Variants in RCN2 observed in about 807,000 individuals in gnomAD.
The protein encoded by RCN2 is reticulocalbin 2.
In RCN2, 23 loss-of-function variants were observed where a neutral mutation model predicts 37.5. The ratio of observed to expected loss-of-function variants is 0.61; its 90% CI spans 0.44 to 0.87. The LOEUF (loss-of-function observed/expected upper bound fraction) is 0.87, where lower values mean the gene tolerates loss of function less well. Among genes scored for constraint, RCN2 ranks in the 40% least tolerant of loss-of-function variants. The pLI is 0.00. For missense variants in RCN2, 381 were observed against 390.4 expected, an observed-to-expected ratio of 0.98 and a Z score of 0.20; for synonymous variants, 140 against 144.6, an observed-to-expected ratio of 0.97 and a Z score of 0.23.
rs1371881402 is a variant in RCN2 at position 76,943,820 on chromosome 15, T to G, written c.510T>G (p.Ser170Arg). The G allele has an allele frequency of 6.2e-7, 1 of 1,611,218 alleles. No individual in the cohort carries two copies. Among genetic ancestry groups the G allele is most frequent in the Non-Finnish European group, 8.5e-7 (1 of 1,178,048 alleles). The part of the protein sequence containing the change: ...KANQDSGPGL[S>R]LEEFIAFEHP... ...ACCAGGATTCAGGTCCCGGTTTGAG[T>G]CTTGAAGAATTTATTGCTTTTGAGC... The change falls in exon 4 of 7, where the codon AGT becomes AGG. Residue 170 changes from serine (S) to arginine (R), a missense_variant. Physicochemically the swap from Ser to Arg is moderately radical, Grantham distance 110. Transcript: ENST00000394885.
In RCN2 at chr15:76,953,763, GCA is replaced by G. The variant is rs1568463712; in HGVS notation, c.*4543_*4544del. On this transcript the variant is annotated 3_prime_UTR_variant, in exon 7 of 7. Transcript: ENST00000394885. Reference sequence around the variant, plus strand: ...GCTGGGACTATAGGCGCCTGCCACCGCACCCGGCTAATTTTTTGTATTTTTAG... The same window carrying G: ...GCTGGGACTATAGGCGCCTGCCACCGCCCGGCTAATTTTTTGTATTTTTAG... 15 of 132,772 alleles carry G rather than the reference GCA, an allele frequency of 1.1e-4. 1 individual carries two copies. The South Asian group carries it at 1.7e-3, about 15-fold the overall frequency. 8.2% of individuals were successfully genotyped at this position (132,772 alleles called of 1,614,324 possible).
intron 3 of RCN2, among the ~76,000 whole-genome samples, chr15:76,937,591 A>G (rs1168798828): frequency 6.6e-6 from 1 of 151,948 alleles, no homozygotes; most frequent in Non-Finnish European, 1.5e-5. Flanking sequence ...TATTTTTTGT[A>G]GAGATGGGGT....
In RCN2 at chr15:76,931,764, C is replaced by T. The variant is rs1051421436; in HGVS notation, c.-78C>T. On this transcript the variant is annotated 5_prime_UTR_variant, in exon 1 of 7. Transcript: ENST00000394885. ...GTCGCACCGCCTCTCTGTAGCCGCC[C>T]GCGGAGCATCGCAGCCGGCCCGGGC... 2.3e-5 allele frequency: 25 copies of T among 1,096,528 alleles called. No individual in the cohort carries two copies. In the South Asian group the frequency reaches 3.5e-4, roughly 15 times the overall value. The allele number at this position is 1,096,528 out of a possible 1,614,324, so 67.9% of individuals were successfully genotyped here. A position where few individuals can be genotyped will look rare whatever the true frequency, so the allele number is the denominator to read the frequency against.
intron 6 of RCN2, chr15:76,948,831 C>G (rs946733210): frequency 1.9e-6 from 1 of 529,426 alleles, no homozygotes; most frequent in Non-Finnish European, 3.3e-6. Context: ...TTTTCATTGC[C>G]TTGATATATC....
Position 76,931,992 on chromosome 15 carries a change from C to G in RCN2, c.144+7C>G. 8.0e-7 allele frequency: 1 copy of G among 1,256,378 alleles called. No homozygotes were observed. Among genetic ancestry groups the G allele is most frequent in the East Asian group, 3.4e-5 (1 of 29,778 alleles). The allele number at this position is 1,256,378 out of a possible 1,614,324, so 77.8% of individuals were successfully genotyped here. A position where few individuals can be genotyped will look rare whatever the true frequency, so the allele number is the denominator to read the frequency against. On this transcript the variant is annotated splice_region_variant and intron_variant, in intron 1 of 6. Coordinates refer to ENST00000394885, the MANE Select transcript of RCN2 (RefSeq NM_002902.3). ...GGCGCTGCTGGGCGTCCAGGTGAGG[C>G]GGCCAGGCCGGTGCTGGGAGGGCCG...
At chr15:76,941,119 TTCC>T (rs1397815244) in intron 3 of RCN2, among the ~76,000 whole-genome samples, 1 of 151,782 alleles carries the variant, frequency 6.6e-6, no homozygotes, top group Non-Finnish European at 1.5e-5. Flanking sequence ...CTGCAACCTC[TTCC>T]TCCCAGGTTC....
rs2075297633 is a variant in RCN2 at position 76,946,555 on chromosome 15, C to T, written c.562-866C>T. On this transcript the variant is annotated intron_variant, in intron 4 of 6. Transcript: ENST00000394885. ...TCATCCGAGGTTAGGAGTTTGAGAT[C>T]AGCCTTGCCAACATGGCAAAACACT... Among the ~76,000 whole-genome samples, 7 of 152,182 alleles carry T rather than the reference C, an allele frequency of 4.6e-5. 1 individual carries two copies. The South Asian group carries it at 1.5e-3, about 32-fold the overall frequency.
At chr15:76,936,913 C>T (rs1007097311) in intron 3 of RCN2, among the ~76,000 whole-genome samples, 5 of 152,154 alleles carry the variant, frequency 3.3e-5, no homozygotes, top group African/African-American at 1.2e-4. Flanking sequence ...AGTGGAGACT[C>T]TCTACCCATT....
intron 1 of RCN2, 64 bp downstream of exon 1, chr15:76,932,049 C>A: frequency 8.0e-7 from 1 of 1,243,182 alleles, no homozygotes; most frequent in Non-Finnish European, 1.0e-6. Context: ...CGGGCTTTGT[C>A]CCGGGACAAA....
intron 3 of RCN2, chr15:76,941,614 C>T: frequency 1.5e-6 from 2 of 1,377,012 alleles, no homozygotes; most frequent in Admixed American, 2.4e-5. Context: ...TGAAACTGAC[C>T]ATCTTTTTTG....
chr15:76,937,410 T>C (rs2075256176), intron 3 of RCN2, among the ~76,000 whole-genome samples: 1 of 123,622 alleles, frequency 8.1e-6, no homozygotes. Flanking sequence ...AAATTACTCC[T>C]TTTTTTTTTT....
At chr15:76,948,702 T>G (rs72742431) in intron 6 of RCN2, 150 bp downstream of exon 6, 1 of 684,126 alleles carries the variant, frequency 1.5e-6, no homozygotes, top group Non-Finnish European at 2.3e-6. Context: ...ATTTACGAAC[T>G]GTTTAGATTG....
In RCN2 at chr15:76,950,622, C is replaced by T. The variant is rs946258892; in HGVS notation, c.*1400C>T. 1 of 152,210 alleles carries T rather than the reference C, an allele frequency of 6.6e-6. No individual in the cohort carries two copies. The highest frequency in any genetic ancestry group is 1.5e-5 in the Non-Finnish European group (1 of 68,088). 9.4% of individuals were successfully genotyped at this position (152,210 alleles called of 1,614,324 possible). On this transcript the variant is annotated 3_prime_UTR_variant, in exon 7 of 7. Transcript: ENST00000394885. ...GCCAGGATGGTTTCGATCTCCTGAC[C>T]TCATGATCAGCCCACCTCGGCCTCC... is the stretch of plus-strand genomic sequence containing the variant.
intron 3 of RCN2, chr15:76,941,922 G>A (rs1171936749): frequency 2.9e-6 from 1 of 341,776 alleles, no homozygotes; most frequent in South Asian, 1.3e-4. Context: ...TTTGAATAAT[G>A]GTTTATTCAA....
At chr15:76,937,499 C>T (rs1344564914) in intron 3 of RCN2, among the ~76,000 whole-genome samples, 1 of 151,930 alleles carries the variant, frequency 6.6e-6, no homozygotes, top group Non-Finnish European at 1.5e-5. Flanking sequence ...TCACTGCCTC[C>T]TGGGCTCAAG....
chr15:76,948,217 A>G, intron 5 of RCN2, 193 bp from the exon 6 acceptor site: 1 of 413,142 alleles, frequency 2.4e-6, no homozygotes. Flanking sequence ...TGGGTTGTTT[A>G]GACTCGTGTC....
At chr15:76,933,596 T>C (rs182873659) in intron 2 of RCN2, among the ~76,000 whole-genome samples, 13 of 152,376 alleles carry the variant, frequency 8.5e-5, no homozygotes, top group Non-Finnish European at 1.2e-4. Context: ...TTTTAAGAAG[T>C]TTAAACTTAG....
intron 3 of RCN2, 80 bp from the exon 4 acceptor site, chr15:76,943,678 C>T: frequency 1.3e-6 from 1 of 771,698 alleles, no homozygotes; most frequent in Non-Finnish European, 2.2e-6. Flanking sequence ...TGGGAATGTA[C>T]TTTAAATTTC....
intron 4 of RCN2, among the ~76,000 whole-genome samples, chr15:76,944,370 C>G (rs548905743): frequency 9.9e-5 from 15 of 152,202 alleles, no homozygotes; most frequent in African/African-American, 3.4e-4. Flanking sequence ...CTTTGTGTTA[C>G]TAACAATCCC....
Sources: gnomAD v4.1 joint callset for allele counts (sites outside exome capture counted in the v4.1 genomes callset) on GRCh38, gnomAD v4.1.1 for gene constraint, MANE v1.5 for transcripts, NCBI Gene and HGNC (gene_info 2026-07-23, HGNC 2026-07-21) for gene names.